CTNNA2: variants seen among roughly 807,000 people sequenced by gnomAD.
The protein encoded by CTNNA2 is catenin alpha-2.
In CTNNA2, 42 loss-of-function variants were observed where a neutral mutation model predicts 101.0. The ratio of observed to expected loss-of-function variants is 0.42; its 90% CI spans 0.32 to 0.54. CTNNA2 has a LOEUF of 0.54. Ranked by LOEUF, CTNNA2 falls within the 20% of genes least tolerant of loss-of-function variation. The pLI is 0.14. For missense variants in CTNNA2, 871 were observed against 1,223.1 expected (o/e 0.71, Z 4.29); for synonymous variants, 450 against 456.4 (o/e 0.99, Z 0.18).
chr2:79,845,388 A>T (rs1190458621), intron 3 of CTNNA2, among the ~76,000 whole-genome samples: 4 of 152,076 alleles, frequency 2.6e-5, no homozygotes, highest in Non-Finnish European at 4.4e-5. Context: ...AAATAAAAGG[A>T]TGAATGAAAT....
At chr2:80,096,218 G>A (rs1425978399) in intron 7 of CTNNA2, among the ~76,000 whole-genome samples, 1 of 151,998 alleles carries the variant, frequency 6.6e-6, no homozygotes, top group South Asian at 2.1e-4. Context: ...TGTTCTCATT[G>A]GTTTCAAAGA....
intron 9 of CTNNA2, among the ~76,000 whole-genome samples, chr2:80,487,347 C>A (rs2149511189): frequency 6.6e-6 from 1 of 151,286 alleles, no homozygotes; most frequent in South Asian, 2.1e-4. Context: ...GTAGTCCATT[C>A]TCATGCTGCT....
rs1361933469 is a variant in CTNNA2, at chr2:80,391,133, A to G, written c.1057-2078A>G. Among the ~76,000 whole-genome samples the G allele has an allele frequency of 2.7e-5, 4 of 145,514 alleles. No homozygotes were observed. The East Asian group carries it at 8.1e-4, about 29-fold the overall frequency. The stretch of plus-strand genomic sequence containing the variant: ...GGTGACAGAGCACGACTGTCTCAGA[A>G]AAAAAAAAAAAAAAAAGTATGTATT... On this transcript the variant is annotated intron_variant, in intron 7 of 18. Coordinates refer to ENST00000402739, the MANE Select transcript of CTNNA2 (RefSeq NM_001282597.3).
intron 3 of CTNNA2, among the ~76,000 whole-genome samples, chr2:79,314,181 C>T (rs898272388): frequency 6.6e-6 from 1 of 152,168 alleles, no homozygotes; most frequent in Non-Finnish European, 1.5e-5. Context: ...CAGACTCTAA[C>T]CACCAGTATT....
intron 7 of CTNNA2, among the ~76,000 whole-genome samples, chr2:79,942,014 C>A (rs567551368): frequency 6.6e-6 from 1 of 152,188 alleles, no homozygotes; most frequent in East Asian, 1.9e-4. Context: ...ACAACCATAA[C>A]ATCATGTTGG....
intron 11 of CTNNA2, among the ~76,000 whole-genome samples, chr2:80,546,815 C>G (rs921350439): frequency 3.3e-5 from 5 of 152,176 alleles, no homozygotes; most frequent in African/African-American, 1.2e-4. Context: ...CCCAGTTCAC[C>G]TGGAAGAATC....
intron 7 of CTNNA2, among the ~76,000 whole-genome samples, chr2:80,352,771 T>C (rs1673427307): frequency 6.6e-6 from 1 of 152,112 alleles, no homozygotes; most frequent in Non-Finnish European, 1.5e-5. Context: ...AAGCTATTTA[T>C]TTGAGTTTAT....
intron 2 of CTNNA2, among the ~76,000 whole-genome samples, chr2:79,311,348 G>A (rs1411452010): frequency 6.8e-6 from 1 of 147,310 alleles, no homozygotes; most frequent in Non-Finnish European, 1.5e-5. Context: ...AGCGGAGCTT[G>A]CAGTGAGCCG....
intron 7 of CTNNA2, among the ~76,000 whole-genome samples, chr2:80,052,579 G>C (rs941079766): frequency 6.6e-6 from 1 of 152,228 alleles, no homozygotes; most frequent in South Asian, 2.1e-4. Flanking sequence ...AATGAAATTG[G>C]TATAGTGTGT....
At chr2:80,033,574 GAA>G (rs1695447421) in intron 7 of CTNNA2, among the ~76,000 whole-genome samples, 1 of 152,060 alleles carries the variant, frequency 6.6e-6, no homozygotes, top group Non-Finnish European at 1.5e-5. Context: ...GTGAGACTCT[GAA>G]AAACAAAAAC....
At chr2:80,231,040 C>T (rs1267434049) in intron 7 of CTNNA2, among the ~76,000 whole-genome samples, 2 of 151,896 alleles carry the variant, frequency 1.3e-5, no homozygotes, top group East Asian at 1.9e-4. Flanking sequence ...GGTATGATCT[C>T]GGCTCACTGA....
intron 3 of CTNNA2, among the ~76,000 whole-genome samples, chr2:79,836,753 G>T (rs1173389359): frequency 6.6e-6 from 1 of 151,990 alleles, no homozygotes; most frequent in Non-Finnish European, 1.5e-5. Flanking sequence ...TTCTGTATCT[G>T]GTCTCTTCTT....
chr2:80,536,577 C>A (rs1000724527), intron 9 of CTNNA2, among the ~76,000 whole-genome samples: 3 of 152,054 alleles, frequency 2.0e-5, no homozygotes, highest in Non-Finnish European at 4.4e-5. Context: ...AGAACAGAAT[C>A]ACAAATATTA....
At chr2:79,800,564 G>T (rs115847278) in intron 3 of CTNNA2, among the ~76,000 whole-genome samples, 579 of 152,208 alleles carry the variant, frequency 3.8e-3, no homozygotes, top group South Asian at 0.02. Context: ...GAAGATGACC[G>T]GTGTCTTGGG....
chr2:79,902,007 C>T (rs1373101055), intron 6 of CTNNA2, among the ~76,000 whole-genome samples: 3 of 152,112 alleles, frequency 2.0e-5, no homozygotes, highest in Non-Finnish European at 4.4e-5. Flanking sequence ...ATTGTAATAC[C>T]TACTGACCAG....
At chr2:80,199,039 G>A (rs1048620274) in intron 7 of CTNNA2, among the ~76,000 whole-genome samples, 1 of 151,704 alleles carries the variant, frequency 6.6e-6, no homozygotes, top group South Asian at 2.1e-4. Flanking sequence ...AAATTAGCTG[G>A]GTGTGGTGGT....
chr2:79,817,789 A>G (rs1362640455), intron 3 of CTNNA2, among the ~76,000 whole-genome samples: 1 of 152,236 alleles, frequency 6.6e-6, no homozygotes, highest in Non-Finnish European at 1.5e-5. Flanking sequence ...AAAGGACAGA[A>G]TATTAATGAC....
chr2:79,633,031 C>G (rs1679798185), intron 1 of CTNNA2, among the ~76,000 whole-genome samples: 1 of 152,166 alleles, frequency 6.6e-6, no homozygotes, highest in Non-Finnish European at 1.5e-5. Context: ...TTGCCAGCCC[C>G]TTCAAAAGTA....
At chr2:80,330,562 A>C (rs1671228060) in intron 7 of CTNNA2, among the ~76,000 whole-genome samples, 1 of 151,810 alleles carries the variant, frequency 6.6e-6, no homozygotes, top group African/African-American at 2.4e-5. Context: ...TGTTCATTTG[A>C]AGGCAAGCTG....
Sources: gnomAD v4.1 joint callset for allele counts (sites outside exome capture counted in the v4.1 genomes callset) on GRCh38, gnomAD v4.1.1 for gene constraint, MANE v1.5 for transcripts, NCBI Gene and HGNC (gene_info 2026-07-23, HGNC 2026-07-21) for gene names.